OR2T2: variants seen among roughly 807,000 people sequenced by gnomAD.
OR2T2 encodes olfactory receptor family 2 subfamily T member 2, also known as olfactory receptor 2T2.
For missense variants in OR2T2, 138 were observed against 409.1 expected (o/e 0.34, Z 5.72); for synonymous variants, 50 against 162.7 (o/e 0.31, Z 5.27).
chr1:248,447,912 TAAATGAA>T (rs770110742), intron 2 of OR2T2, among the ~76,000 whole-genome samples: 187 of 143,986 alleles, frequency 1.3e-3, no homozygotes, highest in Non-Finnish European at 1.0e-3. Flanking sequence ...TAGAAAATAT[TAAATGAA>T]AAATCTCAAA....
intron 2 of OR2T2, among the ~76,000 whole-genome samples, chr1:248,448,165 G>T (rs1327036731): frequency 6.6e-6 from 1 of 150,524 alleles, no homozygotes; most frequent in Non-Finnish European, 1.5e-5. Flanking sequence ...TAAGGTGCTT[G>T]CTTTAACTAA....
intron 2 of OR2T2, among the ~76,000 whole-genome samples, chr1:248,448,180 G>A (rs1662712392): frequency 6.7e-6 from 1 of 150,226 alleles, no homozygotes; most frequent in Non-Finnish European, 1.5e-5. Context: ...AACTAAAAAG[G>A]TGAAAGTTCT....
exon 3 of OR2T2, chr1:248,453,672 G>A (rs1384633475): frequency 8.1e-6 from 13 of 1,601,918 alleles, no homozygotes; most frequent in Non-Finnish European, 1.0e-5. Flanking sequence ...CTCATCTACA[G>A]CTTGAGGAAT....
Position 248,450,423 on chromosome 1 carries a change from T to G in OR2T2, c.-22-2353T>G, listed in dbSNP as rs532440640. 1.4e-4 allele frequency among the ~76,000 whole-genome samples: 20 copies of G among 147,426 alleles called. No homozygotes were observed. In the South Asian group the frequency reaches 4.0e-3, roughly 30 times the overall value. On this transcript the variant is annotated intron_variant, in intron 2 of 2. Transcript: ENST00000642130. Reference sequence around the variant, plus strand: ...ATCATATCTTTCTCCTGTTTCAGCTTTTTTACTCTCCTCTTCTGGGATCCT... The same window carrying G: ...ATCATATCTTTCTCCTGTTTCAGCTGTTTTACTCTCCTCTTCTGGGATCCT...
chr1:248,455,169 G>A (rs1046010060), exon 3 of OR2T2: 1 of 101,832 alleles, frequency 9.8e-6, no homozygotes. Flanking sequence ...AAATATTGAC[G>A]GACCTGGTGT....
chr1:248,450,299 C>G (rs1211746606), intron 2 of OR2T2, among the ~76,000 whole-genome samples: 1 of 11,058 alleles, frequency 9.0e-5, no homozygotes, highest in Admixed American at 3.0e-3. Flanking sequence ...CACATATGAA[C>G]ACACTACACA....
chr1:248,455,058 A>AC (rs1288536382), exon 3 of OR2T2: 2 of 151,616 alleles, frequency 1.3e-5, no homozygotes, highest in African/African-American at 2.4e-5. Flanking sequence ...ATAGATGTGT[A>AC]ACTTTGGTGG....
chr1:248,454,922 A>G (rs1662901323), exon 3 of OR2T2: 1 of 105,822 alleles, frequency 9.4e-6, no homozygotes, highest in African/African-American at 3.7e-5. Flanking sequence ...GAATAAACCA[A>G]GACATTTTAT....
intron 2 of OR2T2, among the ~76,000 whole-genome samples, chr1:248,448,869 CTA>C (rs1662726664): frequency 1.3e-5 from 1 of 79,990 alleles, no homozygotes; most frequent in South Asian, 7.3e-4. Context: ...GGAGAAGTAA[CTA>C]TGCGTGTCAT....
chr1:248,450,495 C>T (rs890103357), intron 2 of OR2T2, among the ~76,000 whole-genome samples: 2 of 149,436 alleles, frequency 1.3e-5, no homozygotes, highest in African/African-American at 5.1e-5. Context: ...ATCCTTTTAT[C>T]ATAGACATTT....
chr1:248,449,833 T>C lies in OR2T2; in HGVS notation c.-22-2943T>C, dbSNP rs1662751470. Among the ~76,000 whole-genome samples the C allele has an allele frequency of 1.5e-5, 2 of 132,256 alleles. 1 individual carries two copies. The highest frequency in any genetic ancestry group is 4.4e-4 in the East Asian group (2 of 4,508). The allele number at this position is 132,256 out of a possible 152,430, so 86.8% of individuals were successfully genotyped here. On this transcript the variant is annotated intron_variant, in intron 2 of 2. Coordinates refer to ENST00000642130, the Ensembl canonical transcript of OR2T2. ...TTCTTTTTCTTTTTCTTTTTCTTTTTTTTTTTTTTTGGAAAGACTAGTTGA... is the reference window on the plus strand; with the variant it reads ...TTCTTTTTCTTTTTCTTTTTCTTTTCTTTTTTTTTTGGAAAGACTAGTTGA...
rs147513698 is a variant in OR2T2, at chr1:248,453,490, T to G, written c.693T>G (p.Ser231=). The change falls in exon 3 of 3, where the codon TCT becomes TCG. Residue 231 remains serine (S), a synonymous_variant. Transcript: ENST00000642130. ...TCCTGACTGTCCACAGGATGAACTC[T>G]GCTGAGGGCCGGCGCAAAGCCTTTG... 3.1e-6 allele frequency: 5 copies of G among 1,589,328 alleles called. No individual in the cohort carries two copies. In the African/African-American group the frequency reaches 5.4e-5, roughly 17 times the overall value.
chr1:248,453,126 G>A (rs770661335), exon 3 of OR2T2: 2 of 1,613,164 alleles, frequency 1.2e-6, no homozygotes, highest in Admixed American at 1.7e-5. Context: ...ACCCTGATTG[G>A]AGGGGAATTC....
At chr1:248,453,084 T>C in exon 3 of OR2T2, 1 of 1,613,102 alleles carries the variant, frequency 6.2e-7, no homozygotes, top group Non-Finnish European at 8.5e-7. Flanking sequence ...ATTTCCTTCC[T>C]GGGCTGTGCA....
At chr1:248,453,739 C>A (rs867632636) in exon 3 of OR2T2, 2 of 1,604,280 alleles carry the variant, frequency 1.2e-6, no homozygotes, top group Non-Finnish European at 1.7e-6. Flanking sequence ...CCTCCCAGAG[C>A]ATCAGGGTGG....
chr1:248,450,057 C>A (rs1456746558), intron 2 of OR2T2, among the ~76,000 whole-genome samples: 1 of 149,280 alleles, frequency 6.7e-6, no homozygotes, highest in Non-Finnish European at 1.5e-5. Context: ...CATGTTTTGT[C>A]CATAATGCAG....
chr1:248,447,102 C>T (rs1437811132), intron 2 of OR2T2, among the ~76,000 whole-genome samples: 1 of 152,024 alleles, frequency 6.6e-6, no homozygotes, highest in African/African-American at 2.4e-5. Context: ...GTAATTAGAA[C>T]TGGAGATAAG....
At chr1:248,448,224 CT>C (rs1357060945) in intron 2 of OR2T2, among the ~76,000 whole-genome samples, 2 of 150,788 alleles carry the variant, frequency 1.3e-5, no homozygotes. Flanking sequence ...CATAAGCTGA[CT>C]TTGCCAAGAT....
intron 2 of OR2T2, among the ~76,000 whole-genome samples, chr1:248,452,550 TGTAGA>T (rs1297539024): frequency 1.5e-5 from 2 of 129,386 alleles, no homozygotes; most frequent in African/African-American, 7.2e-5. Context: ...ACATCCAGCC[TGTAGA>T]GTACAGAACT....
Sources: allele counts gnomAD v4.1 joint callset (sites outside exome capture counted in the v4.1 genomes callset), GRCh38; gene constraint gnomAD v4.1.1; transcripts MANE v1.5; gene names NCBI Gene and HGNC (gene_info 2026-07-23, HGNC 2026-07-21).